Variants in CD109 observed in about 807,000 individuals in gnomAD.
The protein encoded by CD109 is CD109 antigen.
CD109 carries 149 observed loss-of-function variants against 165.8 expected under a neutral mutation model. That is an observed-to-expected ratio of 0.90 (90% confidence interval 0.79 to 1.03). The LOEUF is 1.03. CD109 is among the 50% of genes least tolerant of loss of function. CD109 has a pLI of 0.00. For missense variants in CD109, 1,712 were observed against 1,677.8 expected, an observed-to-expected ratio of 1.02 and a Z score of -0.36; for synonymous variants, 585 against 592.1, an observed-to-expected ratio of 0.99 and a Z score of 0.18.
intron 2 of CD109, among the ~76,000 whole-genome samples, chr6:73,699,788 T>C (rs1196098209): frequency 6.6e-6 from 1 of 152,172 alleles, no homozygotes; most frequent in Non-Finnish European, 1.5e-5. Flanking sequence ...AGAGTTTCAT[T>C]GAAAATGCCA....
chr6:73,759,680 G>A (rs192898581), intron 7 of CD109, among the ~76,000 whole-genome samples: 1 of 152,126 alleles, frequency 6.6e-6, no homozygotes, highest in Admixed American at 6.5e-5. Flanking sequence ...AATTATATTT[G>A]GATTTTAAAG....
At chr6:73,760,938 C>T (rs1297504493) in intron 7 of CD109, among the ~76,000 whole-genome samples, 1 of 151,302 alleles carries the variant, frequency 6.6e-6, no homozygotes, top group Non-Finnish European at 1.5e-5. Flanking sequence ...TCTCTTGAAC[C>T]CCTGAGGTGG....
chr6:73,703,256 C>T (rs1370786539), intron 2 of CD109, among the ~76,000 whole-genome samples: 1 of 152,196 alleles, frequency 6.6e-6, no homozygotes, highest in Non-Finnish European at 1.5e-5. Flanking sequence ...TGCAATGTTG[C>T]AGTTGTCTTC....
chr6:73,721,510 G>A (rs1340148334), intron 2 of CD109, among the ~76,000 whole-genome samples: 4 of 151,328 alleles, frequency 2.6e-5, no homozygotes, highest in African/African-American at 7.3e-5. Flanking sequence ...GACTACAGGC[G>A]CCTGCCACCA....
chr6:73,758,961 G>A lies in CD109; in HGVS notation c.691G>A (p.Val231Met). 6.2e-7 allele frequency: 1 copy of A among 1,601,586 alleles called. No individual in the cohort carries two copies. The change falls in exon 7 of 33, where the codon GTG becomes ATG. Residue 231 changes from valine to methionine, a missense_variant. Transcript: ENST00000287097. ...TTTTCCAGTATTACCAAAATTTGAAGTGACTTTGCAGACACCATTATATTG... is the reference window on the plus strand; with the variant it reads ...TTTTCCAGTATTACCAAAATTTGAAATGACTTTGCAGACACCATTATATTG... ...VSEYVLPKFE[V>M]TLQTPLYCSM...
chr6:73,816,558 C>T (rs1775944809), intron 30 of CD109, among the ~76,000 whole-genome samples: 1 of 152,128 alleles, frequency 6.6e-6, no homozygotes, highest in Non-Finnish European at 1.5e-5. Context: ...CCTATTCTTG[C>T]TTTTCTCATT....
rs907047700 is a variant in CD109 at position 73,779,332 on chromosome 6, T to C, written c.1828-1092T>C. Reference sequence around the variant, plus strand: ...AGCGCGATCTTGGCTCACTGCAACCTCCGCCTCCCGGGTTCAAACCATTCT... The same window carrying C: ...AGCGCGATCTTGGCTCACTGCAACCCCCGCCTCCCGGGTTCAAACCATTCT... On this transcript the variant is annotated intron_variant, in intron 15 of 32. Transcript: ENST00000287097. Among the ~76,000 whole-genome samples the C allele has an allele frequency of 3.3e-5, 5 of 151,158 alleles. No homozygotes were observed. The South Asian group carries it at 1.0e-3, about 32-fold the overall frequency.
chr6:73,720,849 CTACTGCT>C (rs1457400107), intron 2 of CD109, among the ~76,000 whole-genome samples: 4 of 152,214 alleles, frequency 2.6e-5, no homozygotes, highest in African/African-American at 9.6e-5. Flanking sequence ...GGCCTCCTGG[CTACTGCT>C]GTCTTTCTGG....
In CD109 at chr6:73,744,620, G is replaced by A. The variant is rs1056140102; in HGVS notation, c.633+8112G>A. Among the ~76,000 whole-genome samples the A allele has an allele frequency of 5.9e-5, 9 of 152,164 alleles. No individual in the cohort carries two copies. In the East Asian group the frequency reaches 1.7e-3, roughly 29 times the overall value. ...AATTTTGGTGCCATATTATTCTTGT[G>A]TCTTTATTCAGCCATTTGATCTGCT... On this transcript the variant is annotated intron_variant, in intron 5 of 32. Coordinates refer to ENST00000287097, the MANE Select transcript of CD109 (RefSeq NM_133493.5).
At chr6:73,782,501 G>T in intron 17 of CD109, 113 bp from the exon 18 acceptor site, 4 of 975,228 alleles carry the variant, frequency 4.1e-6, no homozygotes, top group South Asian at 3.5e-5. Context: ...ACTCTCACTG[G>T]CACATTATGT....
At chr6:73,795,575 G>A (rs987133239) in intron 23 of CD109, among the ~76,000 whole-genome samples, 14 of 152,198 alleles carry the variant, frequency 9.2e-5, no homozygotes, top group African/African-American at 3.4e-4. Context: ...CCTCACATCT[G>A]TTGGTTGTTA....
intron 5 of CD109, among the ~76,000 whole-genome samples, chr6:73,747,511 G>T (rs1454511725): frequency 6.6e-6 from 1 of 152,074 alleles, no homozygotes; most frequent in African/African-American, 2.4e-5. Flanking sequence ...TCTCACTCTA[G>T]GGAAGTTCAC....
chr6:73,813,424 T>C lies in CD109; in HGVS notation c.3768+1154T>C, dbSNP rs1409878850. On this transcript the variant is annotated intron_variant, in intron 29 of 32. Transcript: ENST00000287097. Reference sequence around the variant, plus strand: ...TTAGTGAAACCAAGTGATTTTTTACTTGAGGCTTGAAGCACACAGGGGTAA... The same window carrying C: ...TTAGTGAAACCAAGTGATTTTTTACCTGAGGCTTGAAGCACACAGGGGTAA... Among the ~76,000 whole-genome samples, 4 of 152,176 alleles carry C rather than the reference T, an allele frequency of 2.6e-5. 1 individual carries two copies. The highest frequency in any genetic ancestry group is 5.9e-5 in the Non-Finnish European group (4 of 68,022).
At chr6:73,751,248 G>A (rs1185077839) in intron 5 of CD109, among the ~76,000 whole-genome samples, 7 of 152,062 alleles carry the variant, frequency 4.6e-5, no homozygotes, top group Non-Finnish European at 8.8e-5. Context: ...GGGCTAAGAC[G>A]GCATTTAAAA....
rs1449328807 is a variant in CD109 at position 73,738,255 on chromosome 6, C to A, written c.633+1747C>A. Among the ~76,000 whole-genome samples, 3 of 152,222 alleles carry A rather than the reference C, an allele frequency of 2.0e-5. No homozygotes were observed. The East Asian group carries it at 5.8e-4, about 29-fold the overall frequency. ...CCCATGGTCTGCTCTGTTCTCCTTT[C>A]ACTCTTCTGCCAACCTTTGAGGTGT... On this transcript the variant is annotated intron_variant, in intron 5 of 32. Transcript: ENST00000287097.
At chr6:73,744,284 A>G (rs571090319) in intron 5 of CD109, among the ~76,000 whole-genome samples, 2 of 152,192 alleles carry the variant, frequency 1.3e-5, no homozygotes, top group Non-Finnish European at 2.9e-5. Flanking sequence ...CTGTTATGGG[A>G]ACTCATTCAT....
intron 22 of CD109, among the ~76,000 whole-genome samples, chr6:73,791,188 C>CATAT (rs1247257626): frequency 2.1e-4 from 4 of 19,308 alleles, no homozygotes; most frequent in Non-Finnish European, 3.4e-4. Flanking sequence ...CACACACACA[C>CATAT]ATACATATAT....
chr6:73,774,334 T>C (rs1388850786), intron 15 of CD109, among the ~76,000 whole-genome samples: 2 of 152,226 alleles, frequency 1.3e-5, no homozygotes, highest in Non-Finnish European at 2.9e-5. Context: ...TATGACCCCT[T>C]CCTGAGGGGA....
At chr6:73,740,867 A>T (rs559409754) in intron 5 of CD109, among the ~76,000 whole-genome samples, 1 of 152,214 alleles carries the variant, frequency 6.6e-6, no homozygotes, top group Non-Finnish European at 1.5e-5. Flanking sequence ...CTGGGATTAC[A>T]GGCATGAGCC....
Sources: allele counts gnomAD v4.1 joint callset (sites outside exome capture counted in the v4.1 genomes callset), GRCh38; gene constraint gnomAD v4.1.1; transcripts MANE v1.5; gene names NCBI Gene and HGNC (gene_info 2026-07-23, HGNC 2026-07-21).